The following EPHB1 variants were observed in gnomAD, a reference collection of about 807,000 sequenced individuals.
EPHB1 encodes ephrin type-B receptor 1.
Under a neutral mutation model 94.4 loss-of-function variants are expected in EPHB1, and 30 were observed. The observed-to-expected ratio is 0.32, with a 90% confidence interval of 0.24 to 0.43. The LOEUF (loss-of-function observed/expected upper bound fraction) is 0.43. Ranked by LOEUF, EPHB1 falls within the 20% of genes least tolerant of loss-of-function variation. EPHB1 has a pLI of 1.00. For missense variants in EPHB1, 1,055 were observed against 1,308.3 expected, an observed-to-expected ratio of 0.81 and a Z score of 2.99; for synonymous variants, 522 against 489.1, an observed-to-expected ratio of 1.07 and a Z score of -0.89.
chr3:135,003,041 T>C (rs1935244126), intron 3 of EPHB1, among the ~76,000 whole-genome samples: 1 of 152,242 alleles, frequency 6.6e-6, no homozygotes, highest in East Asian at 1.9e-4. Context: ...GCTCTTTTAA[T>C]TGTGATGTTA....
chr3:135,113,272 A>AGC (rs1470464188), intron 4 of EPHB1, among the ~76,000 whole-genome samples: 1 of 152,362 alleles, frequency 6.6e-6, no homozygotes, highest in East Asian at 1.9e-4. Flanking sequence ...AGGAAGGGTC[A>AGC]GCGTTGCCTG....
rs1942756719 is a variant in EPHB1 at position 135,201,535 on chromosome 3, G to C, written c.2192G>C (p.Gly731Ala). The change falls in exon 12 of 16, where the codon GGC becomes GCC. Residue 731 changes from glycine (G) to alanine (A), a missense_variant. Gly to Ala is a moderately conservative substitution (Grantham distance 60). Transcript: ENST00000398015. ...GGTATGCTCAGGGGCATCGCTGCTG[G>C]CATGAAGTACCTGGCTGAGATGAAT... ...LVGMLRGIAAGMKYLAEMNYV... is the reference protein window; with the variant it reads ...LVGMLRGIAAAMKYLAEMNYV... 1 of 1,614,024 alleles carries C rather than the reference G, an allele frequency of 6.2e-7. No individual in the cohort carries two copies. The highest frequency in any genetic ancestry group is 8.5e-7 in the Non-Finnish European group (1 of 1,180,006).
chr3:134,978,943 C>G (rs994778243), intron 3 of EPHB1, among the ~76,000 whole-genome samples: 1 of 152,224 alleles, frequency 6.6e-6, no homozygotes, highest in Non-Finnish European at 1.5e-5. Flanking sequence ...ATAGGACCAG[C>G]TTTCTTGGGT....
intron 5 of EPHB1, among the ~76,000 whole-genome samples, chr3:135,150,057 G>T (rs1014613827): frequency 2.0e-5 from 3 of 152,204 alleles, no homozygotes. Context: ...CTTAGAACAG[G>T]ACTGGCACAG....
Position 134,998,884 on chromosome 3 carries a change from A to G in EPHB1, c.805+46832A>G, listed in dbSNP as rs569355678. Among the ~76,000 whole-genome samples, 148 of 152,328 alleles carry G rather than the reference A, an allele frequency of 9.7e-4. 1 individual carries two copies. Among genetic ancestry groups the G allele is most frequent in the African/African-American group, 3.2e-3 (133 of 41,576 alleles). ...AAAGTAGAGAGAGAAAAAGGGATCA[A>G]GGATAGGCACTGGGCTTTGAGGGAC... On this transcript the variant is annotated intron_variant, in intron 3 of 15. Coordinates refer to ENST00000398015, the MANE Select transcript of EPHB1 (RefSeq NM_004441.5).
intron 3 of EPHB1, among the ~76,000 whole-genome samples, chr3:134,953,609 G>A (rs1375674754): frequency 6.6e-6 from 1 of 152,228 alleles, no homozygotes; most frequent in Non-Finnish European, 1.5e-5. Context: ...TTCCCGGCAT[G>A]CTTGCAGCAG....
At chr3:135,225,083 C>T (rs1943362461) in intron 12 of EPHB1, among the ~76,000 whole-genome samples, 2 of 152,132 alleles carry the variant, frequency 1.3e-5, no homozygotes, top group Non-Finnish European at 2.9e-5. Context: ...CTCTCTGCTC[C>T]ACTGATTTGC....
chr3:134,899,984 A>G (rs140468313), intron 1 of EPHB1, among the ~76,000 whole-genome samples: 131 of 152,326 alleles, frequency 8.6e-4, no homozygotes, highest in African/African-American at 2.9e-3. Context: ...GACATGGACT[A>G]TGGAGGTCAT....
chr3:135,005,276 T>C lies in EPHB1; in HGVS notation c.805+53224T>C, dbSNP rs193010178. On this transcript the variant is annotated intron_variant, in intron 3 of 15. Transcript: ENST00000398015. ...GCCTCCCAGTTAGGCTGGTCAGGGG[T>C]CAGGGTCAGGGACCCACTTGAGGAG... is the stretch of plus-strand genomic sequence containing the variant. 2.6e-3 allele frequency among the ~76,000 whole-genome samples: 403 copies of C among 152,198 alleles called. 2 individuals are homozygous for C. The highest frequency in any genetic ancestry group is 4.1e-3 in the Non-Finnish European group (282 of 68,028).
At chr3:135,149,324 T>A (rs1258460212) in intron 5 of EPHB1, among the ~76,000 whole-genome samples, 1 of 152,254 alleles carries the variant, frequency 6.6e-6, no homozygotes, top group African/African-American at 2.4e-5. Flanking sequence ...CTCTTTCAGA[T>A]GTTCAAGCAA....
intron 10 of EPHB1, among the ~76,000 whole-genome samples, 196 bp downstream of exon 10, chr3:135,180,178 G>C (rs1357963367): frequency 1.3e-5 from 2 of 152,170 alleles, no homozygotes; most frequent in Non-Finnish European, 2.9e-5. Context: ...GATCTTTGGG[G>C]ACCTTGACCA....
intron 1 of EPHB1, among the ~76,000 whole-genome samples, chr3:134,851,031 A>ATT (rs1419192740): frequency 6.6e-6 from 1 of 152,246 alleles, no homozygotes; most frequent in African/African-American, 2.4e-5. Flanking sequence ...TGGTTGGACC[A>ATT]TTGCCTTCTT....
At chr3:134,836,323 G>T (rs1167057341) in intron 1 of EPHB1, among the ~76,000 whole-genome samples, 1 of 152,160 alleles carries the variant, frequency 6.6e-6, no homozygotes, top group Non-Finnish European at 1.5e-5. Flanking sequence ...TAAACTCCTT[G>T]TTTTCCATAA....
intron 3 of EPHB1, among the ~76,000 whole-genome samples, chr3:135,037,067 T>C (rs1451554076): frequency 2.0e-5 from 3 of 152,222 alleles, no homozygotes; most frequent in African/African-American, 7.2e-5. Context: ...GGGAACATCT[T>C]GACCTGGGAT....
At chr3:134,888,525 T>G (rs1167350324) in intron 1 of EPHB1, among the ~76,000 whole-genome samples, 2 of 151,948 alleles carry the variant, frequency 1.3e-5, no homozygotes, top group Non-Finnish European at 1.5e-5. Flanking sequence ...CTGGCCAACA[T>G]AGTGAAACCT....
chr3:135,030,197 A>G (rs1936381836), intron 3 of EPHB1, among the ~76,000 whole-genome samples: 1 of 152,070 alleles, frequency 6.6e-6, no homozygotes, highest in African/African-American at 2.4e-5. Flanking sequence ...GAGTAATTTG[A>G]TCGTCTGAAG....
chr3:134,916,466 G>A (rs1402123205), intron 1 of EPHB1, among the ~76,000 whole-genome samples: 1 of 152,238 alleles, frequency 6.6e-6, no homozygotes, highest in Non-Finnish European at 1.5e-5. Flanking sequence ...GGGGTGGGGA[G>A]GCTTAGGCAT....
intron 1 of EPHB1, among the ~76,000 whole-genome samples, chr3:134,925,452 G>A (rs1053059987): frequency 9.2e-5 from 14 of 152,196 alleles, no homozygotes; most frequent in Admixed American, 2.0e-4. Flanking sequence ...TGTTCAACAC[G>A]GCCCTGGCAG....
intron 10 of EPHB1, among the ~76,000 whole-genome samples, chr3:135,186,457 A>G (rs1016786662): frequency 9.9e-5 from 15 of 152,242 alleles, no homozygotes; most frequent in Non-Finnish European, 1.8e-4. Flanking sequence ...AACTTGCTTG[A>G]AATCATGCTT....
Sources: gnomAD v4.1 joint callset for allele counts (sites outside exome capture counted in the v4.1 genomes callset) on GRCh38, gnomAD v4.1.1 for gene constraint, MANE v1.5 for transcripts, NCBI Gene and HGNC (gene_info 2026-07-23, HGNC 2026-07-21) for gene names.